Variants in MEF2A observed in about 807,000 individuals in gnomAD.
MEF2A encodes the protein myocyte-specific enhancer factor 2A.
Under a neutral mutation model 55.8 loss-of-function variants are expected in MEF2A, and 28 were observed. The ratio of observed to expected loss-of-function variants is 0.50; its 90% CI spans 0.37 to 0.69. The LOEUF is 0.69. Ranked by LOEUF, MEF2A falls within the 30% of genes least tolerant of loss-of-function variation. MEF2A has a pLI of 0.00. For synonymous variants in MEF2A, 239 were observed against 227.1 expected, an observed-to-expected ratio of 1.05 and a Z score of -0.47; for missense variants, 528 against 626.2, an observed-to-expected ratio of 0.84 and a Z score of 1.67.
chr15:99,670,688 T>G (rs1336315740), intron 4 of MEF2A, among the ~76,000 whole-genome samples: 1 of 152,222 alleles, frequency 6.6e-6, no homozygotes, highest in Admixed American at 6.5e-5. Context: ...AAATACACTC[T>G]GAATAACTTT....
rs368589911 is a variant in MEF2A at position 99,598,145 on chromosome 15, GA to G, written c.-224-284del. 5.4e-3 allele frequency among the ~76,000 whole-genome samples: 823 copies of G among 152,256 alleles called. 7 individuals are homozygous for G. The highest frequency in any genetic ancestry group is 0.018 in the African/African-American group (736 of 41,542). ...CATGATACAGAGGATAGGAAAATGG[GA>G]CCTAGGAAACCAATTTTTGAATCTC... is the stretch of plus-strand genomic sequence containing the variant. On this transcript the variant is annotated intron_variant, in intron 1 of 11. Coordinates refer to ENST00000557942, the MANE Select transcript of MEF2A (RefSeq NM_001319206.4).
At chr15:99,629,205 CG>C (rs998418446) in intron 2 of MEF2A, among the ~76,000 whole-genome samples, 126 of 152,144 alleles carry the variant, frequency 8.3e-4, no homozygotes, top group African/African-American at 1.5e-3. Context: ...GAGGCCGAGG[CG>C]GGTGGATCAT....
At chr15:99,598,239 A>T (rs1038799790) in intron 1 of MEF2A, among the ~76,000 whole-genome samples, 191 bp from the exon 2 acceptor site, 27 of 152,204 alleles carry the variant, frequency 1.8e-4, no homozygotes, top group African/African-American at 6.5e-4. Flanking sequence ...GTAATAGTAG[A>T]GATACTCAGT....
chr15:99,578,124 T>C (rs571049800), intron 1 of MEF2A, among the ~76,000 whole-genome samples: 1 of 152,374 alleles, frequency 6.6e-6, no homozygotes, highest in African/African-American at 2.4e-5. Flanking sequence ...ATCCATTCAC[T>C]TCAGCATTCA....
chr15:99,569,633 G>A (rs1244929324), intron 1 of MEF2A, among the ~76,000 whole-genome samples: 1 of 152,130 alleles, frequency 6.6e-6, no homozygotes, highest in Admixed American at 6.5e-5. Flanking sequence ...CTGTCTTTTA[G>A]GGATTGACTG....
intron 2 of MEF2A, among the ~76,000 whole-genome samples, chr15:99,627,419 CAAAAAAAAAAAAAAAAAAAAAA>C (rs139658538): frequency 2.3e-5 from 1 of 43,048 alleles, no homozygotes; most frequent in Non-Finnish European, 3.7e-5. Context: ...GACTTTATCT[CAAAAAAAAAAAAAAAAAAAAAA>C]AAAAAAAAAG....
At chr15:99,613,195 T>G (rs2039599369) in intron 2 of MEF2A, among the ~76,000 whole-genome samples, 1 of 152,186 alleles carries the variant, frequency 6.6e-6, no homozygotes, top group Non-Finnish European at 1.5e-5. Flanking sequence ...AAAAGTACTC[T>G]TGCTTGGATA....
At chr15:99,595,022 C>A (rs528913953) in intron 1 of MEF2A, among the ~76,000 whole-genome samples, 22 of 152,248 alleles carry the variant, frequency 1.4e-4, no homozygotes, top group African/African-American at 5.3e-4. Flanking sequence ...TTTTTTTCCA[C>A]CTCTTTATTC....
chr15:99,593,397 T>G (rs1970027264), intron 1 of MEF2A, among the ~76,000 whole-genome samples: 3 of 152,220 alleles, frequency 2.0e-5, no homozygotes, highest in Admixed American at 2.0e-4. Context: ...TTATATATTT[T>G]ATCAGTTTTC....
chr15:99,708,062 C>G (rs778862334), intron 10 of MEF2A, among the ~76,000 whole-genome samples: 2 of 152,176 alleles, frequency 1.3e-5, no homozygotes, highest in Admixed American at 6.5e-5. Flanking sequence ...TTATTAGTGC[C>G]TTGCACAGAA....
intron 2 of MEF2A, among the ~76,000 whole-genome samples, chr15:99,626,164 T>C (rs768931164): frequency 1.6e-4 from 24 of 152,298 alleles, no homozygotes; most frequent in Admixed American, 7.8e-4. Context: ...TTTTTGTTTC[T>C]TTGCAATTCA....
chr15:99,681,052 A>G (rs1337082440), intron 7 of MEF2A, among the ~76,000 whole-genome samples: 1 of 152,198 alleles, frequency 6.6e-6, no homozygotes, highest in African/African-American at 2.4e-5. Flanking sequence ...GGTTTATACT[A>G]TAGTTCAAAT....
intron 2 of MEF2A, among the ~76,000 whole-genome samples, chr15:99,625,473 T>C (rs1182505516): frequency 6.6e-6 from 1 of 152,174 alleles, no homozygotes; most frequent in Non-Finnish European, 1.5e-5. Flanking sequence ...TATTTCTTTT[T>C]CTTGTCTAAT....
chr15:99,635,880 CTG>C (rs1190695744), intron 3 of MEF2A, among the ~76,000 whole-genome samples: 2 of 152,068 alleles, frequency 1.3e-5, no homozygotes, highest in African/African-American at 4.8e-5. Flanking sequence ...ATTATGAAGA[CTG>C]TAATTTTGAA....
chr15:99,620,812 T>A (rs2041025588), intron 2 of MEF2A: 1 of 151,928 alleles, frequency 6.6e-6, no homozygotes, highest in Admixed American at 6.6e-5. Context: ...AATGTGTAAA[T>A]ATTCCCCTTG....
At chr15:99,654,519 A>G (rs1282441911) in intron 4 of MEF2A, among the ~76,000 whole-genome samples, 1 of 150,952 alleles carries the variant, frequency 6.6e-6, no homozygotes, top group African/African-American at 2.4e-5. Context: ...GTATTGGGGG[A>G]CAGAGCGAGG....
chr15:99,675,386 G>A lies in MEF2A; in HGVS notation c.611-13G>A, dbSNP rs3730279. On this transcript the variant is annotated splice_polypyrimidine_tract_variant and intron_variant, in intron 6 of 11. Coordinates refer to ENST00000557942, the MANE Select transcript of MEF2A (RefSeq NM_001319206.4). ...ATTCTCTGCCCTCTGTCTTCTCTCC[G>A]TAACGTTGTTAGGTGGGATGTTGAG... is the stretch of plus-strand genomic sequence containing the variant. 4.6e-5 allele frequency: 74 copies of A among 1,612,978 alleles called. No individual in the cohort carries two copies. The highest frequency in any genetic ancestry group is 4.0e-4 in the African/African-American group (30 of 74,998).
chr15:99,680,249 C>T (rs1419064257), intron 7 of MEF2A, among the ~76,000 whole-genome samples: 1 of 151,966 alleles, frequency 6.6e-6, no homozygotes, highest in Non-Finnish European at 1.5e-5. Flanking sequence ...TTTAATTGTA[C>T]CAAAATACAC....
intron 3 of MEF2A, among the ~76,000 whole-genome samples, chr15:99,635,716 A>G (rs1022824812): frequency 1.3e-5 from 2 of 152,176 alleles, no homozygotes; most frequent in African/African-American, 4.8e-5. Context: ...TACATTTGTG[A>G]AATTTATCAG....
Sources: gnomAD v4.1 joint callset for allele counts (sites outside exome capture counted in the v4.1 genomes callset) on GRCh38, gnomAD v4.1.1 for gene constraint, MANE v1.5 for transcripts, NCBI Gene and HGNC (gene_info 2026-07-23, HGNC 2026-07-21) for gene names.